Variants in DOCK10 observed in about 807,000 individuals in gnomAD.
DOCK10 encodes dedicator of cytokinesis protein 10.
In DOCK10, 145 loss-of-function variants were observed where a neutral mutation model predicts 280.1. That is an observed-to-expected ratio of 0.52 (90% CI 0.45 to 0.59). DOCK10 has a LOEUF of 0.59. DOCK10 is among the 20% of genes least tolerant of loss of function. The pLI is 0.00. For synonymous variants in DOCK10, 915 were observed against 942.2 expected, an observed-to-expected ratio of 0.97 and a Z score of 0.53; for missense variants, 2,368 against 2,651.7, an observed-to-expected ratio of 0.89 and a Z score of 2.35.
chr2:224,825,438 A>G lies in DOCK10; in HGVS notation c.3037-1791T>C, dbSNP rs146586608. Among the ~76,000 whole-genome samples, 55 of 152,364 alleles carry G rather than the reference A, an allele frequency of 3.6e-4. 2 individuals are homozygous for G. Among genetic ancestry groups the G allele is most frequent in the African/African-American group, 1.3e-3 (52 of 41,582 alleles). Reference sequence around the variant, plus strand: ...ATTTGATCACACACAGCATTTTTAAATTCTCTTCCATAAAACTTGGGTAAT... The same window carrying G: ...ATTTGATCACACACAGCATTTTTAAGTTCTCTTCCATAAAACTTGGGTAAT... On this transcript the variant is annotated intron_variant, in intron 27 of 55. Coordinates refer to ENST00000258390, the MANE Select transcript of DOCK10 (RefSeq NM_014689.3).
intron 11 of DOCK10, among the ~76,000 whole-genome samples, chr2:224,872,808 G>A (rs937810520): frequency 6.6e-6 from 1 of 152,164 alleles, no homozygotes; most frequent in African/African-American, 2.4e-5. Flanking sequence ...GATGACAATT[G>A]AGGGATGATG....
In DOCK10 at chr2:224,885,665, A is replaced by G; in HGVS notation, c.747+6T>C. 1 of 1,587,944 alleles carries G rather than the reference A, an allele frequency of 6.3e-7. No individual in the cohort carries two copies. The highest frequency in any genetic ancestry group is 8.6e-7 in the Non-Finnish European group (1 of 1,169,404). On this transcript the variant is annotated splice_donor_region_variant and intron_variant, in intron 7 of 55. Transcript: ENST00000258390. ...ATCCCAAGGAGGAAAAGGGATGTCT[A>G]CTCACCTGCACCACTCCTGTACAGG...
chr2:225,035,550 A>ATTATATATATATATATATAT (rs1553634850), intron 1 of DOCK10, among the ~76,000 whole-genome samples: 1 of 17,494 alleles, frequency 5.7e-5, no homozygotes, highest in Non-Finnish European at 1.2e-4. Flanking sequence ...TATTATATAT[A>ATTATATATATATATATATAT]TATATATATA....
At position 225,035,578 on chromosome 2, in the gene DOCK10, ATATATAT is replaced by A. The variant is rs1690231543; in HGVS notation, c.123+6667_123+6673del. ...TATATATATATATATATATATATAT[ATATATAT>A]ATAACACTGAATCAGTGTTAATTGT... On this transcript the variant is annotated intron_variant, in intron 1 of 55. Coordinates refer to ENST00000258390, the MANE Select transcript of DOCK10 (RefSeq NM_014689.3). Among the ~76,000 whole-genome samples, 5 of 100,574 alleles carry A rather than the reference ATATATAT, an allele frequency of 5.0e-5. 1 individual carries two copies. The highest frequency in any genetic ancestry group is 5.9e-4 in the South Asian group (2 of 3,386). 66.0% of individuals were successfully genotyped at this position (100,574 alleles called of 152,430 possible).
intron 1 of DOCK10, among the ~76,000 whole-genome samples, chr2:225,027,018 T>C (rs1689938367): frequency 6.6e-6 from 1 of 152,206 alleles, no homozygotes; most frequent in Admixed American, 6.5e-5. Context: ...ACACAACTTA[T>C]AGTCAGCTTG....
chr2:224,955,001 A>G (rs149830637), intron 1 of DOCK10, among the ~76,000 whole-genome samples: 511 of 152,314 alleles, frequency 3.4e-3, no homozygotes, highest in African/African-American at 0.012. Flanking sequence ...CTGTTTTCCA[A>G]TTGCATTTTC....
chr2:224,967,128 G>A (rs922379864), intron 1 of DOCK10, among the ~76,000 whole-genome samples: 12 of 148,826 alleles, frequency 8.1e-5, no homozygotes, highest in Non-Finnish European at 1.5e-4. Flanking sequence ...CGCCCAGGCT[G>A]GAGTGCAGTG....
In DOCK10 at chr2:225,035,572, A is replaced by ATATATATATATATAT. The variant is rs1553634953; in HGVS notation, c.123+6665_123+6679dup. On this transcript the variant is annotated intron_variant, in intron 1 of 55. Coordinates refer to ENST00000258390, the MANE Select transcript of DOCK10 (RefSeq NM_014689.3). ...TATATATATATATATATATATATAT[A>ATATATATATATATAT]TATATATATATATATAACACTGAAT... 3.5e-3 allele frequency among the ~76,000 whole-genome samples: 246 copies of ATATATATATATATAT among 69,954 alleles called. 13 individuals are homozygous for ATATATATATATATAT. Among genetic ancestry groups the ATATATATATATATAT allele is most frequent in the Middle Eastern group, 0.019 (2 of 106 alleles). The allele number at this position is 69,954 out of a possible 152,430, so 45.9% of individuals were successfully genotyped here.
At chr2:224,797,243 C>CT (rs777373776) in intron 42 of DOCK10, 97 bp from the exon 43 acceptor site, 22,869 of 694,860 alleles carry the variant, frequency 0.033, no homozygotes, top group Middle Eastern at 0.044. Flanking sequence ...AATCCCTCTC[C>CT]TTTTTTTTTT....
At chr2:224,921,112 A>AAAAAAATATATATATATATATATATATAT in intron 2 of DOCK10, among the ~76,000 whole-genome samples, 2 of 54,412 alleles carry the variant, frequency 3.7e-5, no homozygotes, top group Non-Finnish European at 5.9e-5. Flanking sequence ...AAAAAAAAAA[A>AAAAAAATATATATATATATATATATATAT]ATATATATAT....
chr2:224,905,234 ATTTTTTTTTTTTTT>A (rs201582173), intron 3 of DOCK10, among the ~76,000 whole-genome samples: 1 of 111,540 alleles, frequency 9.0e-6, no homozygotes, highest in Non-Finnish European at 1.7e-5. Context: ...CTATGGAACT[ATTTTTTTTTTTTTT>A]TTTTTTTTTT....
rs1249063991 is a variant in DOCK10 at position 224,885,792 on chromosome 2, C to T, written c.626G>A (p.Arg209His). The change falls in exon 7 of 56, where the codon CGC (arginine) becomes CAC (histidine). Residue 209 changes from arginine to histidine, a missense_variant. Arg to His is a conservative substitution (Grantham distance 29, BLOSUM62 0). Around this residue, in one of 2 missense-constraint regions of DOCK10, gnomAD observed 1,209 missense variants for 1,250.9 expected, o/e 0.97. Coordinates refer to ENST00000258390, the MANE Select transcript of DOCK10 (RefSeq NM_014689.3). ...TGGTAACTGAGTCAGCTGGAAGTAG[C>T]GCTTTTTGAATGACTAAATAAAGGA... ...NTVTVRSFKK[R>H]YFQLTQLPDN... 3.1e-6 allele frequency: 5 copies of T among 1,612,640 alleles called. No individual in the cohort carries two copies. The highest frequency in any genetic ancestry group is 2.7e-5 in the African/African-American group (2 of 74,814).
At chr2:224,776,467 T>C (rs1574796574) in intron 51 of DOCK10, among the ~76,000 whole-genome samples, 1 of 152,132 alleles carries the variant, frequency 6.6e-6, no homozygotes, top group African/African-American at 2.4e-5. Context: ...GTGTATACTT[T>C]CTACCTAGGA....
chr2:224,896,304 T>G lies in DOCK10; in HGVS notation c.407A>C (p.Gln136Pro). 6.3e-7 allele frequency: 1 copy of G among 1,595,034 alleles called. No individual in the cohort carries two copies. Among genetic ancestry groups the G allele is most frequent in the Non-Finnish European group, 8.6e-7 (1 of 1,165,894 alleles). ...KYEQYSGDIRQLPRAEYKPEK... is the reference protein window; with the variant it reads ...KYEQYSGDIRPLPRAEYKPEK... ...CATAACAGGTTCTTACCGGGGTAGC[T>G]GTCGAATGTCTCCAGAATATTGTTC... is the stretch of plus-strand genomic sequence containing the variant. The change falls in exon 4 of 56, where the codon CAG becomes CCG. Residue 136 changes from glutamine to proline, a missense_variant. Physicochemically the swap from Gln to Pro is moderately conservative, Grantham distance 76 (BLOSUM62 -1). Around this residue, in one of 2 missense-constraint regions of DOCK10, gnomAD observed 1,209 missense variants for 1,250.9 expected, o/e 0.97. Transcript: ENST00000258390.
rs371898268 is a variant in DOCK10 at position 224,916,686 on chromosome 2, C to A, written c.333+9G>T. 7.5e-5 allele frequency: 119 copies of A among 1,595,878 alleles called. No homozygotes were observed. The highest frequency in any genetic ancestry group is 9.6e-5 in the Non-Finnish European group (112 of 1,168,250). ...CCTTAAAATAAAGCATTGGAAGCAT[C>A]ACATTTACCTCCTTAACCAGTAAAT... On this transcript the variant is annotated intron_variant, in intron 3 of 55. Transcript: ENST00000258390.
intron 11 of DOCK10, among the ~76,000 whole-genome samples, chr2:224,868,821 A>G (rs1210101705): frequency 6.6e-6 from 1 of 152,202 alleles, no homozygotes; most frequent in Admixed American, 6.5e-5. Flanking sequence ...TAGTCTGCCA[A>G]GAGTTGAAAA....
intron 28 of DOCK10, among the ~76,000 whole-genome samples, chr2:224,821,449 A>T (rs1159395393): frequency 6.6e-6 from 1 of 152,172 alleles, no homozygotes; most frequent in Non-Finnish European, 1.5e-5. Flanking sequence ...AGCATCTGAA[A>T]ACTCAAATTT....
At chr2:224,852,270 T>A (rs1345429107) in intron 18 of DOCK10, 107 bp downstream of exon 18, 13 of 788,876 alleles carry the variant, frequency 1.6e-5, no homozygotes, top group Non-Finnish European at 4.2e-6. Context: ...ATGTATTAAA[T>A]TACTGCTCTT....
At chr2:225,040,116 G>T (rs978344549) in intron 1 of DOCK10, among the ~76,000 whole-genome samples, 1 of 152,132 alleles carries the variant, frequency 6.6e-6, no homozygotes, top group Non-Finnish European at 1.5e-5. Flanking sequence ...GCTAAGATTA[G>T]TCTCTACCAC....
Sources: gnomAD v4.1 joint callset for allele counts (sites outside exome capture counted in the v4.1 genomes callset) on GRCh38, gnomAD v4.1.1 for gene constraint, gnomAD v4.1.1 regional missense constraint, MANE v1.5 for transcripts, NCBI Gene and HGNC (gene_info 2026-07-23, HGNC 2026-07-21) for gene names.